Variants in ORC4 observed in about 807,000 individuals in gnomAD.
ORC4 encodes origin recognition complex subunit 4.
ORC4 carries 55 observed loss-of-function variants against 63.9 expected under a neutral mutation model. The ratio of observed to expected loss-of-function variants is 0.86; its 90% confidence interval spans 0.69 to 1.08. The LOEUF (loss-of-function observed/expected upper bound fraction) is 1.08. ORC4 is among the 50% of genes least tolerant of loss of function. ORC4 has a pLI of 0.00. For synonymous variants in ORC4, 150 were observed against 168.5 expected, an observed-to-expected ratio of 0.89 and a Z score of 0.85; for missense variants, 511 against 504.4, an observed-to-expected ratio of 1.01 and a Z score of -0.13.
At chr2:147,988,036 G>C (rs970546263) in intron 1 of ORC4, among the ~76,000 whole-genome samples, 2 of 147,222 alleles carry the variant, frequency 1.4e-5, no homozygotes, top group East Asian at 4.0e-4. Context: ...CTGGGCAACA[G>C]AGCGAGACTC....
intron 1 of ORC4, among the ~76,000 whole-genome samples, chr2:147,988,446 G>A (rs1329346672): frequency 6.6e-6 from 1 of 151,076 alleles, no homozygotes; most frequent in Non-Finnish European, 1.5e-5. Context: ...TGCAACCTCC[G>A]CCTCCTGGGT....
chr2:147,938,600 A>G, intron 11 of ORC4: 1 of 528,388 alleles, frequency 1.9e-6, no homozygotes, highest in South Asian at 2.3e-5. Context: ...TATCTGCAAA[A>G]TAAGGATATT....
rs1277178894 is a variant in ORC4 at position 147,946,482 on chromosome 2, C to G, written c.762+1569G>C. Among the ~76,000 whole-genome samples, 3 of 152,094 alleles carry G rather than the reference C, an allele frequency of 2.0e-5. No individual in the cohort carries two copies. The East Asian group carries it at 5.8e-4, about 29-fold the overall frequency. On this transcript the variant is annotated intron_variant, in intron 9 of 13. Coordinates refer to ENST00000392857, the MANE Select transcript of ORC4 (RefSeq NM_181741.4). ...TGAAGATCCAGAGGTCTGGTTCACA[C>G]CAGACCCCAGTAAAAGGGGACAATG... is the stretch of plus-strand genomic sequence containing the variant.
intron 1 of ORC4, among the ~76,000 whole-genome samples, chr2:148,008,743 G>C (rs1381898138): frequency 6.6e-6 from 1 of 152,082 alleles, no homozygotes; most frequent in African/African-American, 2.4e-5. Context: ...AGCCAATAGG[G>C]GAACGACAGA....
chr2:148,002,196 C>T (rs947213884), intron 1 of ORC4, among the ~76,000 whole-genome samples: 3 of 152,126 alleles, frequency 2.0e-5, no homozygotes, highest in African/African-American at 7.2e-5. Flanking sequence ...CAATATTAGA[C>T]AGATCAACAA....
At chr2:147,997,362 A>G (rs1692033124) in intron 1 of ORC4, among the ~76,000 whole-genome samples, 2 of 152,174 alleles carry the variant, frequency 1.3e-5, no homozygotes, top group African/African-American at 4.8e-5. Context: ...AATGTACAAA[A>G]CAAAGAATGA....
chr2:147,933,440 G>GT lies in ORC4; in HGVS notation c.*2069dup. Reference sequence around the variant, plus strand: ...TATAATAGGCGTACACTTCATTTGTGTAACTTTTCCTAATGTATTTTTTTT... The same window carrying GT: ...TATAATAGGCGTACACTTCATTTGTGTTAACTTTTCCTAATGTATTTTTTTT... On this transcript the variant is annotated 3_prime_UTR_variant, in exon 14 of 14. Coordinates refer to ENST00000392857, the MANE Select transcript of ORC4 (RefSeq NM_181741.4). 6.6e-6 allele frequency: 1 copy of GT among 152,042 alleles called. No individual in the cohort carries two copies. The highest frequency in any genetic ancestry group is 6.6e-5 in the Admixed American group (1 of 15,236). The allele number at this position is 152,042 out of a possible 1,614,324, so 9.4% of individuals were successfully genotyped here.
chr2:147,976,745 C>T (rs1690580519), intron 1 of ORC4, among the ~76,000 whole-genome samples: 2 of 152,020 alleles, frequency 1.3e-5, no homozygotes, highest in South Asian at 4.2e-4. Context: ...CTGTATTTTG[C>T]TTTATTATTG....
intron 4 of ORC4, among the ~76,000 whole-genome samples, chr2:147,970,748 A>G (rs935386469): frequency 6.6e-6 from 1 of 152,154 alleles, no homozygotes; most frequent in African/African-American, 2.4e-5. Flanking sequence ...ATAGGAAAAA[A>G]TCTACATGAC....
chr2:147,966,129 C>T (rs924981243), intron 4 of ORC4, among the ~76,000 whole-genome samples: 4 of 151,582 alleles, frequency 2.6e-5, no homozygotes, highest in African/African-American at 9.7e-5. Context: ...GAACAATGGG[C>T]AAAAGAAATT....
intron 8 of ORC4, among the ~76,000 whole-genome samples, chr2:147,950,925 A>G (rs1688924328): frequency 6.6e-6 from 1 of 151,086 alleles, no homozygotes; most frequent in Non-Finnish European, 1.5e-5. Context: ...CACCACAGCC[A>G]CTTCCACCCA....
At position 147,937,985 on chromosome 2, in the gene ORC4, G is replaced by T. The variant is rs190262651; in HGVS notation, c.1122+161C>A. On this transcript the variant is annotated intron_variant, in intron 13 of 13. Coordinates refer to ENST00000392857, the MANE Select transcript of ORC4 (RefSeq NM_181741.4). ...ACTAAAACAACCGGTCACTTCCTCAGATTTTTCCAAAATATTTCATTTTTA... is the reference window on the plus strand; with the variant it reads ...ACTAAAACAACCGGTCACTTCCTCATATTTTTCCAAAATATTTCATTTTTA... 53 of 656,802 alleles carry T rather than the reference G, an allele frequency of 8.1e-5. 1 individual carries two copies. In the Admixed American group the frequency reaches 1.4e-3, roughly 17 times the overall value. 40.7% of individuals were successfully genotyped at this position (656,802 alleles called of 1,614,324 possible). A position where few individuals can be genotyped will look rare whatever the true frequency, so the allele number is the denominator to read the frequency against.
chr2:147,957,310 C>T (rs1184703590), intron 6 of ORC4, among the ~76,000 whole-genome samples: 1 of 149,512 alleles, frequency 6.7e-6, no homozygotes, highest in Non-Finnish European at 1.5e-5. Flanking sequence ...AAGAAAGAAA[C>T]TCATAAATGC....
At chr2:147,999,843 A>C (rs1300270843) in intron 1 of ORC4, among the ~76,000 whole-genome samples, 2 of 152,158 alleles carry the variant, frequency 1.3e-5, no homozygotes, top group Non-Finnish European at 2.9e-5. Context: ...AAAGATGAAA[A>C]CATATTAACA....
At chr2:147,955,248 A>G (rs1480346964) in intron 7 of ORC4, 99 bp downstream of exon 7, 1 of 754,002 alleles carries the variant, frequency 1.3e-6, no homozygotes, top group Non-Finnish European at 2.2e-6. Flanking sequence ...ATTTTATGAG[A>G]GCTTTTTTTT....
chr2:147,958,809 A>G lies in ORC4; in HGVS notation c.283T>C (p.Leu95=). ...MEIEEVSENV[L]QVHLNGLLQI... The stretch of plus-strand genomic sequence containing the variant: ...TACTTACCATTTAAGTGAACTTGTA[A>G]TACATTTTCACTCACTTCTTCTATT... The change falls in exon 5 of 14, where the codon TTA becomes CTA. Residue 95 remains leucine, a synonymous_variant. Coordinates refer to ENST00000392857, the MANE Select transcript of ORC4 (RefSeq NM_181741.4). 2.7e-6 allele frequency: 4 copies of G among 1,459,526 alleles called. No homozygotes were observed. Among genetic ancestry groups the G allele is most frequent in the Non-Finnish European group, 3.8e-6 (4 of 1,040,610 alleles). 90.4% of individuals were successfully genotyped at this position (1,459,526 alleles called of 1,614,324 possible).
chr2:148,007,048 C>T (rs577856554), intron 1 of ORC4, among the ~76,000 whole-genome samples: 46 of 152,330 alleles, frequency 3.0e-4, no homozygotes, highest in African/African-American at 9.1e-4. Flanking sequence ...AGACTCACAG[C>T]GTTCCTGTGC....
chr2:147,957,133 A>C (rs1382085359), intron 6 of ORC4, among the ~76,000 whole-genome samples: 3 of 147,748 alleles, frequency 2.0e-5, no homozygotes, highest in Non-Finnish European at 3.0e-5. Context: ...TTAGATTATA[A>C]TCTATAATTA....
At chr2:147,945,879 T>G (rs1415450952) in intron 9 of ORC4, among the ~76,000 whole-genome samples, 2 of 152,018 alleles carry the variant, frequency 1.3e-5, no homozygotes, top group Non-Finnish European at 2.9e-5. Context: ...TGCTGACAGA[T>G]TTTTCAAGTG....
Sources: gnomAD v4.1 joint callset for allele counts (sites outside exome capture counted in the v4.1 genomes callset) on GRCh38, gnomAD v4.1.1 for gene constraint, MANE v1.5 for transcripts, NCBI Gene and HGNC (gene_info 2026-07-23, HGNC 2026-07-21) for gene names.